Variants in CALHM4 observed in about 807,000 individuals in gnomAD.
The protein encoded by CALHM4 is calcium homeostasis modulator family member 4.
Under a neutral mutation model 13.3 loss-of-function variants are expected in CALHM4, and 16 were observed. The observed-to-expected ratio is 1.20, with a 90% CI of 0.81 to 1.82. The LOEUF is 1.82. Ranked by LOEUF, CALHM4 falls within the 40% of genes most tolerant of loss-of-function variation. The pLI is 0.00. For synonymous variants in CALHM4, 127 were observed against 137.1 expected, an observed-to-expected ratio of 0.93 and a Z score of 0.52; for missense variants, 344 against 374.9, an observed-to-expected ratio of 0.92 and a Z score of 0.68.
intron 1 of CALHM4, among the ~76,000 whole-genome samples, chr6:116,536,324 A>T (rs146833308): frequency 1.2e-3 from 185 of 152,302 alleles, no homozygotes; most frequent in African/African-American, 4.3e-3. Flanking sequence ...TCAGACCACT[A>T]GATGGCGCAA....
intron 1 of CALHM4, among the ~76,000 whole-genome samples, chr6:116,542,718 A>G (rs888757577): frequency 6.6e-6 from 1 of 152,136 alleles, no homozygotes; most frequent in Non-Finnish European, 1.5e-5. Context: ...TTAAAAAGGA[A>G]GAAGTGAGTT....
intron 1 of CALHM4, among the ~76,000 whole-genome samples, chr6:116,530,425 A>C (rs1401886236): frequency 6.6e-6 from 1 of 152,222 alleles, no homozygotes; most frequent in African/African-American, 2.4e-5. Context: ...AAGAGTAACA[A>C]AAGAAAAAGC....
At chr6:116,536,386 G>A (rs1316408347) in intron 1 of CALHM4, among the ~76,000 whole-genome samples, 1 of 152,096 alleles carries the variant, frequency 6.6e-6, no homozygotes, top group African/African-American at 2.4e-5. Flanking sequence ...ATGACAGACC[G>A]ACCTCCTCTT....
chr6:116,531,605 C>T (rs1772729167), intron 1 of CALHM4, among the ~76,000 whole-genome samples: 1 of 152,114 alleles, frequency 6.6e-6, no homozygotes, highest in Non-Finnish European at 1.5e-5. Context: ...AAAGGTCTGA[C>T]ATAAACCAAA....
intron 1 of CALHM4, among the ~76,000 whole-genome samples, chr6:116,534,334 T>G (rs1379890665): frequency 1.3e-5 from 2 of 152,194 alleles, no homozygotes; most frequent in Non-Finnish European, 2.9e-5. Flanking sequence ...TATTGGAGAT[T>G]GGAAATCTAT....
chr6:116,558,714 A>G lies in CALHM4; in HGVS notation c.*503A>G, dbSNP rs1774457023. On this transcript the variant is annotated 3_prime_UTR_variant, in exon 2 of 2. Coordinates refer to ENST00000368596, the MANE Select transcript of CALHM4 (RefSeq NM_001366078.2). ...TTTTATCAGTTTCTACCTTTATATAATGTCCAGAACTTTTCACAGCCTCCC... is the reference window on the plus strand; with the variant it reads ...TTTTATCAGTTTCTACCTTTATATAGTGTCCAGAACTTTTCACAGCCTCCC... 1 of 152,736 alleles carries G rather than the reference A, an allele frequency of 6.5e-6. No homozygotes were observed. The highest frequency in any genetic ancestry group is 2.4e-5 in the African/African-American group (1 of 41,378). 9.5% of individuals were successfully genotyped at this position (152,736 alleles called of 1,614,324 possible).
intron 1 of CALHM4, among the ~76,000 whole-genome samples, chr6:116,532,161 T>A (rs963650405): frequency 2.0e-5 from 3 of 152,346 alleles, no homozygotes; most frequent in Non-Finnish European, 2.9e-5. Flanking sequence ...TAGGAGTCTT[T>A]CATTTAAAGA....
rs772861134 is a variant in CALHM4 at position 116,554,340 on chromosome 6, T to C, written c.547T>C (p.Tyr183His). The change falls in exon 1 of 2, where the codon TAC (tyrosine) becomes CAC (histidine). Residue 183 changes from tyrosine (Y) to histidine (H), a missense_variant. By Grantham distance (83) the Tyr-to-His change is moderately conservative. Coordinates refer to ENST00000368596, the MANE Select transcript of CALHM4 (RefSeq NM_001366078.2). ...AGATGAAATAGCTCTTCTGCACAGA[T>C]ACCAGTCACAGGTAAGTTTTTAGAA... ...VRDEIALLHR[Y>H]QSQMLGWILI... 64 of 1,536,690 alleles carry C rather than the reference T, an allele frequency of 4.2e-5. 1 individual carries two copies. In the South Asian group the frequency reaches 7.2e-4, roughly 17 times the overall value.
At chr6:116,529,760 C>T (rs145096603) in intron 1 of CALHM4, among the ~76,000 whole-genome samples, 24 of 152,234 alleles carry the variant, frequency 1.6e-4, no homozygotes, top group African/African-American at 5.5e-4. Context: ...TCCACAATAT[C>T]AGTGAGAGAT....
Position 116,553,896 on chromosome 6 carries a change from T to C in CALHM4, c.103T>C (p.Ser35Pro), listed in dbSNP as rs1774190361. 2 of 1,550,668 alleles carry C rather than the reference T, an allele frequency of 1.3e-6. No individual in the cohort carries two copies. Among genetic ancestry groups the C allele is most frequent in the Non-Finnish European group, 1.7e-6 (2 of 1,147,006 alleles). ...GACTATTGGTGGGCAACAACTCTTC[T>C]CCTCTTCTACATTCAGCTGTCCTTG... ...ALTIGGQQLFSSSTFSCPCQV... is the reference protein window; with the variant it reads ...ALTIGGQQLFPSSTFSCPCQV... The change falls in exon 1 of 2, where the codon TCC (serine) becomes CCC (proline). Residue 35 changes from serine (S) to proline (P), a missense_variant. Ser to Pro is a moderately conservative substitution (Grantham distance 74). Coordinates refer to ENST00000368596, the MANE Select transcript of CALHM4 (RefSeq NM_001366078.2).
chr6:116,539,700 A>G lies in CALHM4; in HGVS notation c.-108-4065A>G, dbSNP rs537028972. 4.6e-5 allele frequency among the ~76,000 whole-genome samples: 7 copies of G among 152,324 alleles called. No homozygotes were observed. The South Asian group carries it at 1.4e-3, about 32-fold the overall frequency. Reference sequence around the variant, plus strand: ...ATTAAGGACTAGGAGAGAAAAAAAAATGAGACTGACTTAATTGATCAGTTT... The same window carrying G: ...ATTAAGGACTAGGAGAGAAAAAAAAGTGAGACTGACTTAATTGATCAGTTT... On this transcript the variant is annotated intron_variant, in intron 1 of 2. Coordinates refer to the CALHM4 transcript ENST00000368597.
intron 1 of CALHM4, among the ~76,000 whole-genome samples, chr6:116,555,682 A>G (rs9320568): frequency 0.56 from 84,444 of 152,042 alleles, 25,091 homozygotes; most frequent in East Asian, 0.89. Context: ...TCCCAAGATC[A>G]TGCTATTTCC....
rs10557481 is a variant in CALHM4, at chr6:116,530,902, CATATATATATAT to C, written c.-109+1743_-109+1754del. Among the ~76,000 whole-genome samples, 499 of 76,484 alleles carry C rather than the reference CATATATATATAT, an allele frequency of 6.5e-3. 5 individuals are homozygous for C. The South Asian group carries it at 0.069, about 11-fold the overall frequency. The allele number at this position is 76,484 out of a possible 152,430, so 50.2% of individuals were successfully genotyped here. On this transcript the variant is annotated intron_variant, in intron 1 of 2. Coordinates refer to the CALHM4 transcript ENST00000368597. Reference sequence around the variant, plus strand: ...GAAGGTTCATAGATAAAGTGAGACTCATATATATATATATATATATATATATATATATATATA... The same window carrying C: ...GAAGGTTCATAGATAAAGTGAGACTCATATATATATATATATATATATATA...
chr6:116,538,758 G>T (rs1417135925), intron 1 of CALHM4, among the ~76,000 whole-genome samples: 1 of 150,466 alleles, frequency 6.6e-6, no homozygotes, highest in Non-Finnish European at 1.5e-5. Context: ...TTGAAACAGG[G>T]TCTTGCTCTG....
rs1267249306 is a variant in CALHM4, at chr6:116,543,695, GT to G, written c.-108-64del. The G allele has an allele frequency of 3.4e-6, 3 of 894,780 alleles. No individual in the cohort carries two copies. In the African/African-American group the frequency reaches 5.1e-5, roughly 15 times the overall value. 55.4% of individuals were successfully genotyped at this position (894,780 alleles called of 1,614,324 possible). ...TTGCAATGTATTTTCATGGAGGACA[GT>G]TTTTTAAAAATACTAATTTCTAACA... On this transcript the variant is annotated intron_variant, in intron 1 of 2. Coordinates refer to the CALHM4 transcript ENST00000368597.
chr6:116,544,261 C>T (rs1420725742), intron 2 of CALHM4, among the ~76,000 whole-genome samples: 1 of 151,794 alleles, frequency 6.6e-6, no homozygotes, highest in Non-Finnish European at 1.5e-5. Flanking sequence ...ACCCTACCTA[C>T]ATGCCATGGC....
Position 116,558,139 on chromosome 6 carries a change from T to C in CALHM4, c.873T>C (p.Tyr291=), listed in dbSNP as rs753371540. 3.0e-5 allele frequency: 48 copies of C among 1,614,018 alleles called. No homozygotes were observed. Among genetic ancestry groups the C allele is most frequent in the Non-Finnish European group, 3.9e-5 (46 of 1,179,996 alleles). ...TGGGTGATGACTTGCAAGGTCACTATAGCTTCCTTGGAAATAGGGTGGATG... is the reference window on the plus strand; with the variant it reads ...TGGGTGATGACTTGCAAGGTCACTACAGCTTCCTTGGAAATAGGGTGGATG... The part of the protein sequence containing the change: ...LCMGDDLQGH[Y]SFLGNRVDED... The change falls in exon 2 of 2, where the codon TAT becomes TAC. Residue 291 remains tyrosine, a synonymous_variant. Coordinates refer to ENST00000368596, the MANE Select transcript of CALHM4 (RefSeq NM_001366078.2).
Position 116,560,059 on chromosome 6 carries a change from A to C in CALHM4, c.*1848A>C, listed in dbSNP as rs1319727840. 3.3e-5 allele frequency among the ~76,000 whole-genome samples: 5 copies of C among 152,216 alleles called. No individual in the cohort carries two copies. Among genetic ancestry groups the C allele is most frequent in the African/African-American group, 1.2e-4 (5 of 41,464 alleles). ...AAATAGAAGTATGTTGTGGAAGGCA[A>C]CTAGGGTTCTAGTTCCACACTGATA... is the stretch of plus-strand genomic sequence containing the variant. On this transcript the variant is annotated 3_prime_UTR_variant, in exon 2 of 2. Transcript: ENST00000368596.
chr6:116,543,866 C>T lies in CALHM4; in HGVS notation c.-7C>T, dbSNP rs1211927461. 1.0e-5 allele frequency: 16 copies of T among 1,532,616 alleles called. No individual in the cohort carries two copies. In the East Asian group the frequency reaches 3.9e-4, roughly 37 times the overall value. The allele number at this position is 1,532,616 out of a possible 1,614,324, so 94.9% of individuals were successfully genotyped here. On this transcript the variant is annotated 5_prime_UTR_variant, in exon 2 of 3. Transcript: ENST00000368597. ...TTCAGGATAAACCCAAATGTAGCAG[C>T]AAATTTGTGAGTTTCTTTTCTTTTT...
Sources: allele counts gnomAD v4.1 joint callset (sites outside exome capture counted in the v4.1 genomes callset), GRCh38; gene constraint gnomAD v4.1.1; transcripts MANE v1.5; gene names NCBI Gene and HGNC (gene_info 2026-07-23, HGNC 2026-07-21).